ADAMTSL1: variants seen among roughly 807,000 people sequenced by gnomAD.
The protein encoded by ADAMTSL1 is ADAMTS like 1, also known as ADAMTS-like protein 1.
In ADAMTSL1, 126 loss-of-function variants were observed where a neutral mutation model predicts 201.8. That is an observed-to-expected ratio of 0.62 (90% CI 0.54 to 0.72). The LOEUF (loss-of-function observed/expected upper bound fraction) is 0.72. Among genes scored for constraint, ADAMTSL1 ranks in the 30% least tolerant of loss-of-function variants. ADAMTSL1 has a pLI of 0.00. For missense variants in ADAMTSL1, 2,679 were observed against 2,277.8 expected (o/e 1.18, Z -3.59); for synonymous variants, 1,121 against 903.4 (o/e 1.24, Z -4.32).
intron 1 of ADAMTSL1, among the ~76,000 whole-genome samples, chr9:18,049,619 C>CTTTTTTTTT (rs61679017): frequency 2.8e-5 from 4 of 143,738 alleles, no homozygotes; most frequent in Non-Finnish European, 1.5e-5. Context: ...ACTTCTTATT[C>CTTTTTTTTT]TTTTTTTTTT....
intron 4 of ADAMTSL1, among the ~76,000 whole-genome samples, chr9:18,592,862 C>T (rs962727671): frequency 6.6e-6 from 1 of 152,036 alleles, no homozygotes; most frequent in Non-Finnish European, 1.5e-5. Context: ...AACATGGAAT[C>T]TTTTTTCATT....
intron 2 of ADAMTSL1, among the ~76,000 whole-genome samples, chr9:18,350,809 A>T (rs1395709720): frequency 1.3e-5 from 2 of 152,196 alleles, no homozygotes; most frequent in Non-Finnish European, 2.9e-5. Context: ...TCCACCTCAC[A>T]GTTTTATGGA....
chr9:18,637,655 T>G (rs962324402), intron 6 of ADAMTSL1, among the ~76,000 whole-genome samples: 1 of 152,172 alleles, frequency 6.6e-6, no homozygotes, highest in African/African-American at 2.4e-5. Context: ...TAAATCATTT[T>G]TCCTTGTGTG....
At chr9:18,216,007 A>G (rs1830043386) in intron 2 of ADAMTSL1, among the ~76,000 whole-genome samples, 1 of 152,188 alleles carries the variant, frequency 6.6e-6, no homozygotes, top group African/African-American at 2.4e-5. Flanking sequence ...CTGTGAAAAA[A>G]TCTGTGATGA....
chr9:18,228,243 C>T (rs1018348307), intron 2 of ADAMTSL1, among the ~76,000 whole-genome samples: 1 of 152,168 alleles, frequency 6.6e-6, no homozygotes, highest in African/African-American at 2.4e-5. Flanking sequence ...GATGATAGTT[C>T]CTGCGTGGTT....
intron 15 of ADAMTSL1, among the ~76,000 whole-genome samples, chr9:18,734,479 C>T (rs10963740): frequency 0.25 from 38,206 of 152,058 alleles, 5,666 homozygotes; most frequent in South Asian, 0.4. Flanking sequence ...TCCAGCACAG[C>T]TCAGCAAACA....
At chr9:18,327,457 C>T (rs1419063654) in intron 2 of ADAMTSL1, among the ~76,000 whole-genome samples, 4 of 152,134 alleles carry the variant, frequency 2.6e-5, no homozygotes, top group Non-Finnish European at 5.9e-5. Context: ...GAGATCTTTC[C>T]TTGGCAGAAT....
At chr9:18,795,551 A>G (rs1423993537) in intron 20 of ADAMTSL1, 27 bp downstream of exon 20, 2 of 1,583,392 alleles carry the variant, frequency 1.3e-6, no homozygotes, top group Non-Finnish European at 1.7e-6. Context: ...TGTTCTGTTC[A>G]TTTCATAAAC....
At chr9:18,222,644 CT>C (rs66646766) in intron 2 of ADAMTSL1, among the ~76,000 whole-genome samples, 26,241 of 119,960 alleles carry the variant, frequency 0.22, 2,020 homozygotes, top group African/African-American at 0.26. Context: ...CTCATATACT[CT>C]TTTTTTTTTT....
chr9:18,854,128 A>C (rs1184966844), intron 23 of ADAMTSL1, among the ~76,000 whole-genome samples: 1 of 152,168 alleles, frequency 6.6e-6, no homozygotes, highest in Non-Finnish European at 1.5e-5. Context: ...ATAATTAGCT[A>C]CAGTTTTTCC....
chr9:18,877,436 G>A (rs1828236879), intron 23 of ADAMTSL1, among the ~76,000 whole-genome samples: 2 of 152,160 alleles, frequency 1.3e-5, no homozygotes, highest in Non-Finnish European at 2.9e-5. Context: ...TTGATGTGGT[G>A]CTCTCCCACT....
intron 3 of ADAMTSL1, among the ~76,000 whole-genome samples, chr9:18,566,048 A>G (rs1475270078): frequency 6.6e-6 from 1 of 152,216 alleles, no homozygotes; most frequent in Non-Finnish European, 1.5e-5. Context: ...GGAGAAGGAA[A>G]TATCAGTCTG....
At chr9:18,762,135 C>A (rs754602402) in intron 16 of ADAMTSL1, among the ~76,000 whole-genome samples, 1 of 152,184 alleles carries the variant, frequency 6.6e-6, no homozygotes, top group Non-Finnish European at 1.5e-5. Flanking sequence ...CTCTACTAGG[C>A]TCTGGGGAAT....
intron 2 of ADAMTSL1, among the ~76,000 whole-genome samples, chr9:18,183,175 C>T (rs1828577948): frequency 6.6e-6 from 1 of 152,106 alleles, no homozygotes; most frequent in Non-Finnish European, 1.5e-5. Context: ...ACTGGATGTC[C>T]ACATGCAAAA....
chr9:18,504,497 A>G (rs1823015556), intron 1 of ADAMTSL1, among the ~76,000 whole-genome samples: 1 of 152,220 alleles, frequency 6.6e-6, no homozygotes, highest in Non-Finnish European at 1.5e-5. Flanking sequence ...AGAGATGAAG[A>G]GTACACTCAT....
At chr9:18,853,918 T>TGTGTGTGTGTGCGCGC (rs139332733) in intron 23 of ADAMTSL1, among the ~76,000 whole-genome samples, 2,317 of 145,408 alleles carry the variant, frequency 0.016, 19 homozygotes, top group South Asian at 0.025. Context: ...TGTGTGTGTG[T>TGTGTGTGTGTGCGCGC]GCGCGTGCAT....
intron 4 of ADAMTSL1, among the ~76,000 whole-genome samples, chr9:18,616,363 C>G (rs373139862): frequency 4.6e-5 from 7 of 152,296 alleles, no homozygotes; most frequent in African/African-American, 1.7e-4. Context: ...GACCATTAGG[C>G]TTCATCAGAG....
intron 1 of ADAMTSL1, among the ~76,000 whole-genome samples, chr9:18,095,467 G>GAGCAAGAGTGCAGT (rs1824209447): frequency 7.6e-6 from 1 of 131,560 alleles, no homozygotes; most frequent in African/African-American, 2.7e-5. Flanking sequence ...CTGCCACCCA[G>GAGCAAGAGTGCAGT]GCCAGAGTGC....
chr9:18,727,672 G>A (rs1032786918), intron 15 of ADAMTSL1, among the ~76,000 whole-genome samples: 3 of 152,182 alleles, frequency 2.0e-5, no homozygotes, highest in African/African-American at 7.2e-5. Flanking sequence ...GGGCTAAAAT[G>A]TTTATTTTTC....
Sources: allele counts gnomAD v4.1 joint callset (sites outside exome capture counted in the v4.1 genomes callset), GRCh38; gene constraint gnomAD v4.1.1; transcripts MANE v1.5; gene names NCBI Gene and HGNC (gene_info 2026-07-23, HGNC 2026-07-21).